The following DTL variants were observed in gnomAD, a reference collection of about 807,000 sequenced individuals.
The protein encoded by DTL is denticleless E3 ubiquitin protein ligase adapter.
A neutral mutation model predicts 87.0 loss-of-function variants in DTL; 46 were observed. The ratio of observed to expected loss-of-function variants is 0.53; its 90% confidence interval spans 0.42 to 0.68. The LOEUF (loss-of-function observed/expected upper bound fraction) is 0.68, where lower values mean the gene tolerates loss of function less well. DTL is among the 30% of genes least tolerant of loss of function. The pLI is 0.00. For synonymous variants in DTL, 308 were observed against 311.2 expected, an observed-to-expected ratio of 0.99 and a Z score of 0.11; for missense variants, 737 against 869.4, an observed-to-expected ratio of 0.85 and a Z score of 1.91.
chr1:212,094,100 G>T (rs569086986), intron 13 of DTL, among the ~76,000 whole-genome samples: 29 of 152,202 alleles, frequency 1.9e-4, no homozygotes, highest in South Asian at 1.7e-3. Context: ...AAGCTTTTTC[G>T]TTTAATTAAG....
intron 6 of DTL, 108 bp downstream of exon 6, chr1:212,063,057 A>G (rs1395814610): frequency 1.3e-6 from 1 of 797,210 alleles, no homozygotes; most frequent in Non-Finnish European, 2.1e-6. Context: ...GCATGTACTC[A>G]TAATTTCCCA....
intron 5 of DTL, among the ~76,000 whole-genome samples, chr1:212,054,500 A>C (rs996871465): frequency 4.6e-5 from 7 of 151,876 alleles, no homozygotes; most frequent in Non-Finnish European, 1.0e-4. Flanking sequence ...TTGCATGTTT[A>C]AGAGGAAAGT....
intron 13 of DTL, among the ~76,000 whole-genome samples, chr1:212,093,939 C>T (rs1655367509): frequency 6.6e-6 from 1 of 152,154 alleles, no homozygotes; most frequent in African/African-American, 2.4e-5. Context: ...AGGGACCATG[C>T]TCTTCCCTTC....
At chr1:212,063,708 G>C (rs1405968748) in intron 6 of DTL, among the ~76,000 whole-genome samples, 3 of 151,798 alleles carry the variant, frequency 2.0e-5, no homozygotes, top group Admixed American at 2.0e-4. Context: ...ATTTTTTTTT[G>C]TGTCTGCATT....
chr1:212,076,349 A>G (rs921591262), intron 11 of DTL, among the ~76,000 whole-genome samples: 2 of 152,134 alleles, frequency 1.3e-5, no homozygotes, highest in Non-Finnish European at 2.9e-5. Context: ...CGTCATTGAT[A>G]CCTTGTTAAC....
chr1:212,078,369 AT>A, intron 12 of DTL, 107 bp downstream of exon 12: 1 of 726,810 alleles, frequency 1.4e-6, no homozygotes, highest in Non-Finnish European at 2.3e-6. Context: ...TTAAGTTGAG[AT>A]TTTAAAGACC....
chr1:212,059,262 T>A (rs1668266525), intron 5 of DTL, among the ~76,000 whole-genome samples: 1 of 148,036 alleles, frequency 6.8e-6, no homozygotes, highest in Admixed American at 6.7e-5. Flanking sequence ...GATGCAAAAA[T>A]CCTCAACAGA....
chr1:212,041,661 C>A (rs553510013), intron 1 of DTL, among the ~76,000 whole-genome samples: 4 of 151,858 alleles, frequency 2.6e-5, no homozygotes, highest in Non-Finnish European at 2.9e-5. Context: ...CCTGCCACCA[C>A]GCCTGGCTAA....
intron 5 of DTL, among the ~76,000 whole-genome samples, chr1:212,051,138 A>AGTTTT (rs1222717200): frequency 6.6e-6 from 1 of 151,866 alleles, no homozygotes; most frequent in Non-Finnish European, 1.5e-5. Context: ...CATCTGTACC[A>AGTTTT]GTTTTGTTTT....
chr1:212,082,252 T>G (rs990499666), intron 13 of DTL, among the ~76,000 whole-genome samples: 1 of 152,198 alleles, frequency 6.6e-6, no homozygotes, highest in Non-Finnish European at 1.5e-5. Flanking sequence ...GTGACCTTAA[T>G]GAGTGTTGTT....
intron 1 of DTL, among the ~76,000 whole-genome samples, chr1:212,038,896 A>AT (rs1667561551): frequency 6.6e-6 from 1 of 152,228 alleles, no homozygotes; most frequent in Non-Finnish European, 1.5e-5. Context: ...AGTGTATCTA[A>AT]TATAATTTAA....
At chr1:212,102,378 C>A (rs775030187) in intron 14 of DTL, among the ~76,000 whole-genome samples, 2 of 151,908 alleles carry the variant, frequency 1.3e-5, no homozygotes, top group Non-Finnish European at 2.9e-5. Context: ...ATCTTAAAAT[C>A]TTTAAAAAGT....
In DTL at chr1:212,104,767, A is replaced by G. The variant is rs558037702; in HGVS notation, c.*1827A>G. The G allele has an allele frequency of 1.3e-5, 2 of 152,272 alleles. No homozygotes were observed. Among genetic ancestry groups the G allele is most frequent in the African/African-American group, 2.4e-5 (1 of 41,556 alleles). The allele number at this position is 152,272 out of a possible 1,614,324, so 9.4% of individuals were successfully genotyped here. A position where few individuals can be genotyped will look rare whatever the true frequency, so the allele number is the denominator to read the frequency against. On this transcript the variant is annotated 3_prime_UTR_variant, in exon 15 of 15. Transcript: ENST00000366991. Reference sequence around the variant, plus strand: ...ACTTTTAAATGGGTGCCAAAGGTCAACTGTAATGAGATAATTATCCCTGCC... The same window carrying G: ...ACTTTTAAATGGGTGCCAAAGGTCAGCTGTAATGAGATAATTATCCCTGCC...
In DTL at chr1:212,039,592, A is replaced by T. The variant is rs549729664; in HGVS notation, c.53-3401A>T. On this transcript the variant is annotated intron_variant, in intron 1 of 14. Transcript: ENST00000366991. The stretch of plus-strand genomic sequence containing the variant: ...GTCATCCAATTGCTTATAAATGGAG[A>T]TAACATTTTGAGAAATGCATCATTA... 1.1e-4 allele frequency among the ~76,000 whole-genome samples: 17 copies of T among 152,322 alleles called. No homozygotes were observed. In the East Asian group the frequency reaches 3.1e-3, roughly 28 times the overall value.
chr1:212,044,715 G>T lies in DTL; in HGVS notation c.234G>T (p.Leu78Phe), dbSNP rs147784232. ...AVANEEGFVR[L>F]YNTESQSFRK... ...CCAATGAAGAAGGCTTTGTTCGATT[G>T]TATAACACAGAATCACAAAGTTTCA... The change falls in exon 3 of 15, where the codon TTG becomes TTT. Residue 78 changes from leucine to phenylalanine, a missense_variant. Transcript: ENST00000366991. 3.7e-6 allele frequency: 6 copies of T among 1,613,216 alleles called. No individual in the cohort carries two copies. Among genetic ancestry groups the T allele is most frequent in the Non-Finnish European group, 3.4e-6 (4 of 1,179,628 alleles).
At position 212,068,657 on chromosome 1, in the gene DTL, C is replaced by T. The variant is rs34452090; in HGVS notation, c.876C>T (p.Asp292=). 1,136 of 1,612,822 alleles carry T rather than the reference C, an allele frequency of 7.0e-4. 8 individuals carry two copies. The African/African-American group carries it at 0.014, about 19-fold the overall frequency. The stretch of plus-strand genomic sequence containing the variant: ...CTACTTTATTTGCTAATTGCACAGA[C>T]GATAACATCTACATGTTTAATATGA... ...TGSTLFANCT[D]DNIYMFNMTG... is the part of the protein sequence containing the mutation. The change falls in exon 10 of 15, where the codon GAC becomes GAT. Residue 292 remains aspartate (D), a synonymous_variant. Transcript: ENST00000366991.
intron 5 of DTL, among the ~76,000 whole-genome samples, chr1:212,057,334 G>A (rs1668207848): frequency 6.8e-6 from 1 of 147,166 alleles, no homozygotes. Context: ...AGGAGAGAAT[G>A]AGATGATATA....
At chr1:212,044,876 CTG>C (rs1667765153) in intron 3 of DTL, 118 bp downstream of exon 3, 1 of 636,850 alleles carries the variant, frequency 1.6e-6, no homozygotes, top group African/African-American at 1.9e-5. Flanking sequence ...AAAGGAATAA[CTG>C]AGACTGGGTA....
In DTL at chr1:212,035,913, G is replaced by A. The variant is rs748324270; in HGVS notation, c.23G>A (p.Arg8His). ...CTGATGCTCTTCAATTCGGTGCTCCGCCAGCCCCAGCTTGGCGTCCTGAGA... is the reference window on the plus strand; with the variant it reads ...CTGATGCTCTTCAATTCGGTGCTCCACCAGCCCCAGCTTGGCGTCCTGAGA... MLFNSVLRQPQLGVLRNG... is the reference protein window; with the variant it reads MLFNSVLHQPQLGVLRNG... Residue 8 changes from arginine to histidine, a missense_variant, in exon 1 of 15, where the codon CGC (arginine) becomes CAC (histidine). Transcript: ENST00000366991. The A allele has an allele frequency of 6.2e-7, 1 of 1,614,032 alleles. No individual in the cohort carries two copies. The highest frequency in any genetic ancestry group is 8.5e-7 in the Non-Finnish European group (1 of 1,179,998).
Sources: gnomAD v4.1 joint callset for allele counts (sites outside exome capture counted in the v4.1 genomes callset) on GRCh38, gnomAD v4.1.1 for gene constraint, MANE v1.5 for transcripts, NCBI Gene and HGNC (gene_info 2026-07-23, HGNC 2026-07-21) for gene names.